Variants in AIG1 observed in about 807,000 individuals in gnomAD.
AIG1 encodes the protein androgen-induced gene 1 protein.
Under a neutral mutation model 31.4 loss-of-function variants are expected in AIG1, and 23 were observed. The ratio of observed to expected loss-of-function variants is 0.73; its 90% CI spans 0.53 to 1.04. The LOEUF is 1.04. Ranked by LOEUF, AIG1 falls within the 50% of genes least tolerant of loss-of-function variation. AIG1 has a pLI of 0.00. For missense variants in AIG1, 274 were observed against 295.0 expected, an observed-to-expected ratio of 0.93 and a Z score of 0.52; for synonymous variants, 100 against 110.5, an observed-to-expected ratio of 0.90 and a Z score of 0.60.
Position 143,256,170 on chromosome 6 carries a change from A to G in AIG1, c.400-27940A>G, listed in dbSNP as rs1583641746. On this transcript the variant is annotated intron_variant, in intron 3 of 5. Coordinates refer to ENST00000357847, the MANE Select transcript of AIG1 (RefSeq NM_016108.4). This position sits in a 1 kb window ranked among gnomAD's most constrained non-coding sequence, Gnocchi z 4.6. ...TTAGGGCAAAAATAAATTAGAATAA[A>G]CAGAAGTAAACTTCCCAACATAGGC... 6.6e-6 allele frequency among the ~76,000 whole-genome samples: 1 copy of G among 152,344 alleles called. No individual in the cohort carries two copies. The highest frequency in any genetic ancestry group is 1.5e-5 in the Non-Finnish European group (1 of 68,030).
At chr6:143,196,844 G>GA (rs574672085) in intron 3 of AIG1, among the ~76,000 whole-genome samples, 4 of 150,560 alleles carry the variant, frequency 2.7e-5, no homozygotes, top group East Asian at 1.9e-4. Flanking sequence ...ATAAAAAAAA[G>GA]AAAAAAAAAC....
intron 3 of AIG1, among the ~76,000 whole-genome samples, chr6:143,166,594 A>G (rs1436722946): frequency 6.6e-6 from 1 of 152,238 alleles, no homozygotes; most frequent in African/African-American, 2.4e-5. Flanking sequence ...CTCCTAGTGC[A>G]AAACAGCCTT....
At chr6:143,308,316 G>T (rs77325466) in intron 4 of AIG1, among the ~76,000 whole-genome samples, 21 of 152,206 alleles carry the variant, frequency 1.4e-4, no homozygotes, top group African/African-American at 4.8e-4. Flanking sequence ...GCTGGGAGCT[G>T]TAGACCGGAG....
chr6:143,324,682 C>G (rs1016729488), intron 4 of AIG1, among the ~76,000 whole-genome samples: 2 of 152,204 alleles, frequency 1.3e-5, no homozygotes, highest in Non-Finnish European at 2.9e-5. Flanking sequence ...AAGCCTTTAG[C>G]ACATGTGCAT....
At chr6:143,143,785 G>C (rs1227278178) in intron 2 of AIG1, among the ~76,000 whole-genome samples, 1 of 151,754 alleles carries the variant, frequency 6.6e-6, no homozygotes, top group African/African-American at 2.4e-5. Context: ...CCCCTGCACT[G>C]AAATAAGAAA....
intron 3 of AIG1, among the ~76,000 whole-genome samples, chr6:143,255,309 C>T (rs1263810376): frequency 6.6e-6 from 1 of 152,182 alleles, no homozygotes; most frequent in Non-Finnish European, 1.5e-5. Flanking sequence ...GCTTAAACAA[C>T]AGAAATTTGT....
rs186220476 is a variant in AIG1 at position 143,258,645 on chromosome 6, C to G, written c.400-25465C>G. Among the ~76,000 whole-genome samples, 189 of 152,278 alleles carry G rather than the reference C, an allele frequency of 1.2e-3. No homozygotes were observed. Among genetic ancestry groups the G allele is most frequent in the African/African-American group, 4.4e-3 (183 of 41,544 alleles). On this transcript the variant is annotated intron_variant, in intron 3 of 5. Coordinates refer to ENST00000357847, the MANE Select transcript of AIG1 (RefSeq NM_016108.4). The surrounding 1 kb of genome is among the most constrained non-coding windows in gnomAD (Gnocchi z 4.7). Reference sequence around the variant, plus strand: ...AGAAAGAAACCAAGGAAGGAACTAGCACAGTTGAGGCAAAGAGACATTTTG... The same window carrying G: ...AGAAAGAAACCAAGGAAGGAACTAGGACAGTTGAGGCAAAGAGACATTTTG...
rs1794702801 is a variant in AIG1, at chr6:143,247,544, A to G, written c.400-36566A>G. 2.0e-5 allele frequency among the ~76,000 whole-genome samples: 3 copies of G among 152,208 alleles called. No individual in the cohort carries two copies. The South Asian group carries it at 6.2e-4, about 31-fold the overall frequency. On this transcript the variant is annotated intron_variant, in intron 3 of 5. Coordinates refer to ENST00000357847, the MANE Select transcript of AIG1 (RefSeq NM_016108.4). ...AGACTGTCTGGTGGCTAAAGCCCTA[A>G]TAAACAAAGACACTTCTACCAGCCA...
At chr6:143,320,681 G>T (rs1024394784) in intron 4 of AIG1, among the ~76,000 whole-genome samples, 5 of 152,120 alleles carry the variant, frequency 3.3e-5, no homozygotes, top group African/African-American at 1.2e-4. Flanking sequence ...GTTACCTGGG[G>T]CTGGGAAGGG....
rs566053313 is a variant in AIG1, at chr6:143,098,932, A to G, written c.141+37866A>G. Among the ~76,000 whole-genome samples, 202 of 152,334 alleles carry G rather than the reference A, an allele frequency of 1.3e-3. 1 individual carries two copies. Among genetic ancestry groups the G allele is most frequent in the Non-Finnish European group, 2.5e-3 (167 of 68,018 alleles). On this transcript the variant is annotated intron_variant, in intron 1 of 5. Transcript: ENST00000357847. ...TTCAGTCTATCTGGGTAGCTGCTATACTAATTACATGATGAAAATGAACAG... is the reference window on the plus strand; with the variant it reads ...TTCAGTCTATCTGGGTAGCTGCTATGCTAATTACATGATGAAAATGAACAG...
chr6:143,240,746 C>A (rs540626710), intron 3 of AIG1, among the ~76,000 whole-genome samples: 62 of 152,194 alleles, frequency 4.1e-4, no homozygotes, highest in African/African-American at 1.3e-3. Context: ...TTTTAAAAAA[C>A]CAGACAATAT....
chr6:143,312,806 CCTGT>C (rs142886183), intron 4 of AIG1, among the ~76,000 whole-genome samples: 9,166 of 152,016 alleles, frequency 0.06, 723 homozygotes, highest in African/African-American at 0.18. Flanking sequence ...TTGAAAACCA[CCTGT>C]CTAACAACGG....
intron 3 of AIG1, among the ~76,000 whole-genome samples, chr6:143,275,040 C>G (rs1562547638): frequency 6.6e-6 from 1 of 152,144 alleles, no homozygotes; most frequent in Non-Finnish European, 1.5e-5. Flanking sequence ...TAAATATTTT[C>G]TTTGTTTACC....
At chr6:143,159,089 A>G (rs575325957) in intron 2 of AIG1, among the ~76,000 whole-genome samples, 4 of 152,348 alleles carry the variant, frequency 2.6e-5, no homozygotes, top group Admixed American at 2.6e-4. Context: ...GGTGGCTTCC[A>G]TGTGGAGGTG....
chr6:143,287,877 CT>C (rs1797799574), intron 4 of AIG1, among the ~76,000 whole-genome samples: 1 of 150,928 alleles, frequency 6.6e-6, no homozygotes, highest in Non-Finnish European at 1.5e-5. Context: ...GTTTTCTCTT[CT>C]TTTTACTCAT....
chr6:143,213,027 A>G (rs1791711285), intron 3 of AIG1, among the ~76,000 whole-genome samples: 1 of 152,212 alleles, frequency 6.6e-6, no homozygotes, highest in Non-Finnish European at 1.5e-5. Flanking sequence ...AAGCATTGTG[A>G]TCCTCAATCT....
At chr6:143,324,427 G>A (rs1776447351) in intron 4 of AIG1, among the ~76,000 whole-genome samples, 1 of 152,160 alleles carries the variant, frequency 6.6e-6, no homozygotes, top group Non-Finnish European at 1.5e-5. Flanking sequence ...TTTACAGGGA[G>A]ATTTTATACT....
At chr6:143,195,191 G>A (rs1314545396) in intron 3 of AIG1, among the ~76,000 whole-genome samples, 2 of 152,104 alleles carry the variant, frequency 1.3e-5, no homozygotes, top group East Asian at 1.9e-4. Context: ...GGTGATTTAG[G>A]GAGCAATTTC....
At chr6:143,300,162 G>A (rs536560321) in intron 4 of AIG1, among the ~76,000 whole-genome samples, 1 of 152,196 alleles carries the variant, frequency 6.6e-6, no homozygotes, top group African/African-American at 2.4e-5. Context: ...GGTTGAAGAT[G>A]CTGAGAACTA....
Sources: gnomAD v4.1 joint callset for allele counts (sites outside exome capture counted in the v4.1 genomes callset) on GRCh38, gnomAD v4.1.1 for gene constraint, Gnocchi (gnomAD v3.1) non-coding constraint, MANE v1.5 for transcripts, NCBI Gene and HGNC (gene_info 2026-07-23, HGNC 2026-07-21) for gene names.